TSPAN11: variants seen among roughly 807,000 people sequenced by gnomAD.
The protein encoded by TSPAN11 is tetraspanin 11, also known as tetraspanin-11.
TSPAN11 carries 29 observed loss-of-function variants against 32.9 expected under a neutral mutation model. The ratio of observed to expected loss-of-function variants is 0.88; its 90% CI spans 0.66 to 1.20. The LOEUF (loss-of-function observed/expected upper bound fraction) is 1.20, where lower values mean the gene tolerates loss of function less well. Ranked by LOEUF, TSPAN11 falls within the 50% of genes most tolerant of loss-of-function variation. TSPAN11 has a pLI of 0.00. For synonymous variants in TSPAN11, 140 were observed against 141.3 expected, an observed-to-expected ratio of 0.99 and a Z score of 0.07; for missense variants, 283 against 329.1, an observed-to-expected ratio of 0.86 and a Z score of 1.08.
At chr12:30,941,296 C>A (rs1938158474) in intron 1 of TSPAN11, among the ~76,000 whole-genome samples, 1 of 152,208 alleles carries the variant, frequency 6.6e-6, no homozygotes, top group Admixed American at 6.5e-5. Context: ...GATCTTGGAA[C>A]CAATCCCCCG....
intron 1 of TSPAN11, among the ~76,000 whole-genome samples, chr12:30,948,639 G>C (rs1938318554): frequency 6.6e-6 from 1 of 152,192 alleles, no homozygotes; most frequent in Admixed American, 6.5e-5. Context: ...ACACAGCAGA[G>C]GGACCCTGGA....
intron 1 of TSPAN11, among the ~76,000 whole-genome samples, chr12:30,953,505 C>A (rs1938422319): frequency 1.3e-5 from 2 of 152,090 alleles, no homozygotes; most frequent in African/African-American, 2.4e-5. Context: ...TGGGTGATCA[C>A]TGGGGCCCTT....
chr12:30,982,728 C>T, intron 6 of TSPAN11, 38 bp downstream of exon 6: 1 of 1,522,578 alleles, frequency 6.6e-7, no homozygotes. Context: ...GAGGAGAGGG[C>T]CCTGGCCTGG....
intron 3 of TSPAN11, among the ~76,000 whole-genome samples, chr12:30,977,773 C>T (rs1411644223): frequency 6.6e-6 from 1 of 152,122 alleles, no homozygotes; most frequent in Non-Finnish European, 1.5e-5. Flanking sequence ...CCATGTCCTT[C>T]TACAGGTCAC....
At chr12:30,997,172 T>C (rs537005796), downstream of TSPAN11, 3 of 152,334 alleles carry the variant, frequency 2.0e-5, no homozygotes, top group East Asian at 5.8e-4. Context: ...GTTGGACATG[T>C]TTTCATTGCA....
At position 30,978,622 on chromosome 12, in the gene TSPAN11, T is replaced by G; in HGVS notation, c.338T>G (p.Val113Gly). ...VELVAGVLAH[V>G]YYQRLSDELK... ...CTGGTGGCGGGAGTCCTGGCCCATG[T>G]GTATTACCAGAGGGTAAGTGACGTT... is the stretch of plus-strand genomic sequence containing the variant. The change falls in exon 4 of 8, where the codon GTG becomes GGG. Residue 113 changes from valine to glycine, a missense_variant. Coordinates refer to ENST00000546076, the MANE Select transcript of TSPAN11 (RefSeq NM_001370302.1). 1 of 1,614,208 alleles carries G rather than the reference T, an allele frequency of 6.2e-7. No homozygotes were observed. Among genetic ancestry groups the G allele is most frequent in the South Asian group, 1.1e-5 (1 of 91,074 alleles).
chr12:30,966,040 G>C (rs540215726), intron 3 of TSPAN11, among the ~76,000 whole-genome samples: 1 of 146,770 alleles, frequency 6.8e-6, no homozygotes, highest in East Asian at 2.0e-4. Flanking sequence ...TTTTTTAGCT[G>C]ATCAGCTGTC....
Position 30,967,744 on chromosome 12 carries a change from G to A in TSPAN11, c.276+3727G>A, listed in dbSNP as rs113313869. On this transcript the variant is annotated intron_variant, in intron 3 of 7. Coordinates refer to ENST00000546076, the MANE Select transcript of TSPAN11 (RefSeq NM_001370302.1). ...CACATGCACTCAGCCACCAACGCAGGACTGTGGAGACAGGCATCTCTGCCA... is the reference window on the plus strand; with the variant it reads ...CACATGCACTCAGCCACCAACGCAGAACTGTGGAGACAGGCATCTCTGCCA... 1.9e-3 allele frequency among the ~76,000 whole-genome samples: 224 copies of A among 119,240 alleles called. 1 individual carries two copies. The highest frequency in any genetic ancestry group is 6.7e-3 in the African/African-American group (215 of 31,876). The allele number at this position is 119,240 out of a possible 152,430, so 78.2% of individuals were successfully genotyped here. A position where few individuals can be genotyped will look rare whatever the true frequency, so the allele number is the denominator to read the frequency against.
intron 7 of TSPAN11, among the ~76,000 whole-genome samples, chr12:30,983,469 C>A (rs577705720): frequency 1.4e-4 from 22 of 152,224 alleles, no homozygotes; most frequent in Admixed American, 5.9e-4. Context: ...GCGTGCAAGC[C>A]ATCTGTGGTA....
chr12:30,952,105 A>T (rs954854061), intron 1 of TSPAN11, among the ~76,000 whole-genome samples: 1 of 152,132 alleles, frequency 6.6e-6, no homozygotes, highest in African/African-American at 2.4e-5. Context: ...TTTCCTTTAG[A>T]GGGCAGGGCC....
At chr12:30,936,445 G>A (rs1305539472) in intron 1 of TSPAN11, among the ~76,000 whole-genome samples, 2 of 152,184 alleles carry the variant, frequency 1.3e-5, no homozygotes, top group Admixed American at 6.5e-5. Context: ...ATAATTAACT[G>A]GTTAATTTTA....
intron 1 of TSPAN11, among the ~76,000 whole-genome samples, chr12:30,937,823 C>G (rs941894939): frequency 3.9e-5 from 6 of 152,218 alleles, no homozygotes; most frequent in African/African-American, 1.4e-4. Context: ...CCAGGTGATT[C>G]TAATGTACCC....
At chr12:31,015,038 T>C in the TSPAN11 span, among the ~76,000 whole-genome samples, 1 of 152,240 alleles carries the variant, frequency 6.6e-6, no homozygotes, top group Non-Finnish European at 1.5e-5. This position sits in a 1 kb window ranked among gnomAD's most constrained non-coding sequence, Gnocchi z 4.9. Flanking sequence ...GCTATTGTGT[T>C]ACCTGCTTAT....
chr12:31,016,481 G>T, the TSPAN11 span, among the ~76,000 whole-genome samples: 1 of 151,492 alleles, frequency 6.6e-6, no homozygotes, highest in Non-Finnish European at 1.5e-5. Context: ...GGAAAGGAGA[G>T]GAGAGGAAAG....
the TSPAN11 span, among the ~76,000 whole-genome samples, chr12:31,004,402 TTGCCACCCACCCAC>T: frequency 6.6e-6 from 1 of 152,212 alleles, no homozygotes; most frequent in South Asian, 2.1e-4. Flanking sequence ...GAGGATGTGA[TTGCCACCCACCCAC>T]TGCTGATGTC....
chr12:31,006,632 AG>A, the TSPAN11 span, among the ~76,000 whole-genome samples: 1 of 152,188 alleles, frequency 6.6e-6, no homozygotes, highest in Non-Finnish European at 1.5e-5. Context: ...GAGAAGGTGC[AG>A]GCCCCTGGCA....
chr12:30,944,815 C>G (rs972057420), intron 1 of TSPAN11, among the ~76,000 whole-genome samples: 1 of 152,176 alleles, frequency 6.6e-6, no homozygotes, highest in African/African-American at 2.4e-5. Flanking sequence ...GAAGCCCTCC[C>G]CTGAGTATGG....
intron 1 of TSPAN11, among the ~76,000 whole-genome samples, chr12:30,943,628 C>T (rs1430289852): frequency 6.6e-6 from 1 of 152,214 alleles, no homozygotes. Flanking sequence ...ACAGTGTGAC[C>T]TCCTGTTCCC....
At chr12:30,965,963 A>G (rs1938723004) in intron 3 of TSPAN11, among the ~76,000 whole-genome samples, 1 of 151,974 alleles carries the variant, frequency 6.6e-6, no homozygotes, top group South Asian at 2.1e-4. Flanking sequence ...GACAGCTTTG[A>G]ATGCGGCCCA....
Sources: gnomAD v4.1 joint callset for allele counts (sites outside exome capture counted in the v4.1 genomes callset) on GRCh38, gnomAD v4.1.1 for gene constraint, Gnocchi (gnomAD v3.1) non-coding constraint, MANE v1.5 for transcripts, NCBI Gene and HGNC (gene_info 2026-07-23, HGNC 2026-07-21) for gene names.